Variants in KIAA1217 observed in about 807,000 individuals in gnomAD.
KIAA1217 encodes sickle tail protein homolog.
In KIAA1217, 88 loss-of-function variants were observed where a neutral mutation model predicts 163.9. The ratio of observed to expected loss-of-function variants is 0.54; its 90% CI spans 0.45 to 0.64. The LOEUF (loss-of-function observed/expected upper bound fraction) is 0.64, where lower values mean the gene tolerates loss of function less well. KIAA1217 is among the 30% of genes least tolerant of loss of function. The pLI, the probability that KIAA1217 is intolerant of heterozygous loss-of-function variation, is 0.00. For synonymous variants in KIAA1217, 903 were observed against 923.1 expected (o/e 0.98, Z 0.39); for missense variants, 2,372 against 2,475.0 (o/e 0.96, Z 0.88).
chr10:24,522,023 T>A (rs552441971), intron 12 of KIAA1217, 94 bp downstream of exon 12: 1 of 1,388,910 alleles, frequency 7.2e-7, no homozygotes, highest in African/African-American at 1.4e-5. Flanking sequence ...TCCACCATGC[T>A]CCCAGGACAC....
At chr10:23,779,806 G>A (rs1835173654) in intron 1 of KIAA1217, among the ~76,000 whole-genome samples, 1 of 152,124 alleles carries the variant, frequency 6.6e-6, no homozygotes, top group African/African-American at 2.4e-5. Flanking sequence ...AATGAACTGG[G>A]TATATGACAG....
At chr10:24,022,368 T>G (rs947776242) in intron 2 of KIAA1217, among the ~76,000 whole-genome samples, 1 of 151,852 alleles carries the variant, frequency 6.6e-6, no homozygotes, top group Non-Finnish European at 1.5e-5. Context: ...CACAATACTA[T>G]GTGTCATTAG....
intron 1 of KIAA1217, among the ~76,000 whole-genome samples, chr10:23,699,544 G>A (rs1422093054): frequency 6.6e-6 from 1 of 152,202 alleles, no homozygotes; most frequent in Admixed American, 6.5e-5. Flanking sequence ...GGAGGCACCT[G>A]TGTCAAGTTC....
chr10:23,696,756 T>C (rs758048862), intron 1 of KIAA1217, among the ~76,000 whole-genome samples: 1 of 152,216 alleles, frequency 6.6e-6, no homozygotes, highest in Non-Finnish European at 1.5e-5. Context: ...ATTAAGTGTA[T>C]GGACAAATAT....
At chr10:24,042,467 T>C (rs999349130) in intron 2 of KIAA1217, 1 of 152,186 alleles carries the variant, frequency 6.6e-6, no homozygotes, top group Non-Finnish European at 1.5e-5. Flanking sequence ...CGGCAACTCC[T>C]GCACAGCGGA....
chr10:24,383,386 G>A (rs773433970), intron 3 of KIAA1217, among the ~76,000 whole-genome samples: 8 of 151,940 alleles, frequency 5.3e-5, no homozygotes, highest in African/African-American at 1.5e-4. Flanking sequence ...AGCCAAGAAC[G>A]GTTGGCAGTG....
At chr10:24,265,879 G>A (rs187988830) in intron 2 of KIAA1217, among the ~76,000 whole-genome samples, 108 of 152,156 alleles carry the variant, frequency 7.1e-4, no homozygotes, top group African/African-American at 2.5e-3. Context: ...GTGTAGAGGT[G>A]GGATGAGGAG....
chr10:23,821,102 T>C (rs1053763765), intron 1 of KIAA1217, among the ~76,000 whole-genome samples: 65 of 129,410 alleles, frequency 5.0e-4, no homozygotes, highest in South Asian at 9.8e-4. Context: ...GCTGTGTGTG[T>C]GCGTGTGTGT....
intron 1 of KIAA1217, among the ~76,000 whole-genome samples, chr10:23,720,142 A>C (rs1396335330): frequency 6.6e-6 from 1 of 151,900 alleles, no homozygotes; most frequent in Non-Finnish European, 1.5e-5. Flanking sequence ...ACTAAATGCC[A>C]CTGAATTGTA....
At chr10:23,818,333 T>C (rs1381816491) in intron 1 of KIAA1217, among the ~76,000 whole-genome samples, 4 of 114,142 alleles carry the variant, frequency 3.5e-5, no homozygotes, top group Non-Finnish European at 6.9e-5. Context: ...ATATATATTT[T>C]ATATATATAT....
At chr10:24,467,814 A>ATG (rs10672795) in intron 5 of KIAA1217, among the ~76,000 whole-genome samples, 36,478 of 148,262 alleles carry the variant, frequency 0.25, 4,777 homozygotes, top group African/African-American at 0.37. Flanking sequence ...GTGTGTGTGT[A>ATG]TGTGTGTGTG....
chr10:23,764,699 A>G (rs995347086), intron 1 of KIAA1217, among the ~76,000 whole-genome samples: 1 of 152,200 alleles, frequency 6.6e-6, no homozygotes, highest in Non-Finnish European at 1.5e-5. Context: ...CAGGAATAGA[A>G]AACCAAACAC....
chr10:24,027,770 T>C (rs936843693), intron 2 of KIAA1217, among the ~76,000 whole-genome samples: 1 of 152,134 alleles, frequency 6.6e-6, no homozygotes, highest in Admixed American at 6.6e-5. Context: ...GTTTATAACA[T>C]TTGTGTATAA....
At chr10:24,330,210 G>A (rs888162075) in intron 2 of KIAA1217, among the ~76,000 whole-genome samples, 2 of 149,054 alleles carry the variant, frequency 1.3e-5, no homozygotes, top group Admixed American at 1.4e-4. Context: ...TGAGGCAGGA[G>A]AATCACTTGA....
intron 1 of KIAA1217, among the ~76,000 whole-genome samples, chr10:23,915,344 G>A (rs765655191): frequency 3.3e-5 from 5 of 152,178 alleles, no homozygotes; most frequent in Non-Finnish European, 7.3e-5. Flanking sequence ...GTTTACCAGT[G>A]AGGGAGATGT....
chr10:24,382,839 C>CTT (rs1251130955), intron 3 of KIAA1217, among the ~76,000 whole-genome samples: 22 of 112,306 alleles, frequency 2.0e-4, no homozygotes, highest in South Asian at 3.7e-4. Flanking sequence ...TGTGGTTTTT[C>CTT]TTTTCTTTTT....
intron 2 of KIAA1217, among the ~76,000 whole-genome samples, chr10:24,263,021 T>G (rs1313488782): frequency 6.6e-6 from 1 of 152,116 alleles, no homozygotes; most frequent in South Asian, 2.1e-4. Flanking sequence ...TCCACTCACG[T>G]ATAAAAATAT....
In KIAA1217 at chr10:24,544,209, G is replaced by A. The variant is rs373055782; in HGVS notation, c.4939G>A (p.Glu1647Lys). The change falls in exon 19 of 21, where the codon GAG (glutamate) becomes AAG (lysine). Residue 1647 changes from glutamate (E) to lysine (K), a missense_variant. Coordinates refer to ENST00000376454, the MANE Select transcript of KIAA1217 (RefSeq NM_019590.5). ...TVRRQEQPSI[E>K]STSPISRTDE... ...GAGGAGGCAAGAGCAGCCCAGCATC[G>A]AGAGTACATCTCCGATTTCAAGAAC... 6 of 1,613,938 alleles carry A rather than the reference G, an allele frequency of 3.7e-6. No individual in the cohort carries two copies. Among genetic ancestry groups the A allele is most frequent in the East Asian group, 4.5e-5 (2 of 44,870 alleles).
rs537697803 is a variant in KIAA1217 at position 24,087,669 on chromosome 10, C to T, written c.-171+80295C>T. 8.3e-4 allele frequency among the ~76,000 whole-genome samples: 127 copies of T among 152,282 alleles called. No homozygotes were observed. The Middle Eastern group carries it at 0.014, about 16-fold the overall frequency. On this transcript the variant is annotated intron_variant, in intron 2 of 18. Coordinates refer to the KIAA1217 transcript ENST00000376462. ...GACAGAATCCCTGATCCTGAACACC[C>T]ATTCAATACCATTTGCAAAGGCCAT...
Sources: gnomAD v4.1 joint callset for allele counts (sites outside exome capture counted in the v4.1 genomes callset) on GRCh38, gnomAD v4.1.1 for gene constraint, MANE v1.5 for transcripts, NCBI Gene and HGNC (gene_info 2026-07-23, HGNC 2026-07-21) for gene names.